JAK1: variants seen among roughly 807,000 people sequenced by gnomAD.
The protein encoded by JAK1 is tyrosine-protein kinase JAK1.
Under a neutral mutation model 136.6 loss-of-function variants are expected in JAK1, and 16 were observed. The ratio of observed to expected loss-of-function variants is 0.12; its 90% CI spans 0.08 to 0.18. The LOEUF (loss-of-function observed/expected upper bound fraction) is 0.18, where lower values mean the gene tolerates loss of function less well. JAK1 is among the 10% of genes least tolerant of loss of function. The pLI, the probability that JAK1 is intolerant of heterozygous loss-of-function variation, is 1.00. For synonymous variants in JAK1, 492 were observed against 519.5 expected (o/e 0.95, Z 0.72); for missense variants, 859 against 1,450.1 (o/e 0.59, Z 6.62).
At chr1:64,937,851 T>C (rs1645817140) in intron 1 of JAK1, among the ~76,000 whole-genome samples, 1 of 152,126 alleles carries the variant, frequency 6.6e-6, no homozygotes, top group Non-Finnish European at 1.5e-5. Context: ...TTACTCTCAC[T>C]GTAAAAGTTT....
At chr1:65,053,982 C>T (rs1443841280) in intron 1 of JAK1, among the ~76,000 whole-genome samples, 2 of 152,186 alleles carry the variant, frequency 1.3e-5, no homozygotes, top group Non-Finnish European at 2.9e-5. Flanking sequence ...GTAGTATGAT[C>T]AAGGTAGAAT....
At chr1:64,837,621 T>C (rs1335018205) in intron 22 of JAK1, among the ~76,000 whole-genome samples, 1 of 152,230 alleles carries the variant, frequency 6.6e-6, no homozygotes, top group Non-Finnish European at 1.5e-5. Context: ...GCTCACAGTT[T>C]TAAGAACTGC....
At chr1:65,013,253 C>T (rs568466787) in intron 2 of JAK1, among the ~76,000 whole-genome samples, 75 of 149,624 alleles carry the variant, frequency 5.0e-4, no homozygotes, top group African/African-American at 6.6e-4. Flanking sequence ...AAAAATTAGC[C>T]GGGCGTGCTG....
At chr1:64,996,248 C>T (rs1178402008) in intron 2 of JAK1, among the ~76,000 whole-genome samples, 1 of 152,180 alleles carries the variant, frequency 6.6e-6, no homozygotes, top group African/African-American at 2.4e-5. Context: ...CCTTCTAGTG[C>T]CATCATGCCC....
At chr1:64,860,072 A>G (rs1196998795) in intron 9 of JAK1, 33 bp downstream of exon 9, 4 of 1,461,442 alleles carry the variant, frequency 2.7e-6, no homozygotes, top group Admixed American at 2.1e-5. Flanking sequence ...CTCTCTGCAC[A>G]CCAAAGGCAA....
chr1:64,846,363 T>G (rs1655229183), intron 14 of JAK1, among the ~76,000 whole-genome samples: 1 of 152,158 alleles, frequency 6.6e-6, no homozygotes, highest in Non-Finnish European at 1.5e-5. Flanking sequence ...TCTTGTGGCC[T>G]TGACCTCATT....
intron 1 of JAK1, among the ~76,000 whole-genome samples, chr1:64,951,544 GA>G (rs1362645557): frequency 2.0e-5 from 3 of 151,070 alleles, no homozygotes; most frequent in Admixed American, 1.3e-4. Flanking sequence ...ATACATTCCA[GA>G]ATATGTCGCT....
rs778794589 is a variant in JAK1, at chr1:64,841,219, C to T, written c.2649+26G>A. 13 of 1,539,322 alleles carry T rather than the reference C, an allele frequency of 8.4e-6. No homozygotes were observed. The African/African-American group carries it at 1.6e-4, about 19-fold the overall frequency. On this transcript the variant is annotated intron_variant, in intron 19 of 24. Coordinates refer to ENST00000342505, the MANE Select transcript of JAK1 (RefSeq NM_002227.4). ...GGATGGCGGAGGGCTCTGCCATCAG[C>T]AGCAAGCAGCACGGGTGTAACTTAC...
At chr1:64,868,032 G>C (rs367676956) in intron 6 of JAK1, among the ~76,000 whole-genome samples, 15 of 151,340 alleles carry the variant, frequency 9.9e-5, no homozygotes, top group African/African-American at 2.7e-4. Flanking sequence ...GAGAGAGTGA[G>C]AGAGAGAGAG....
chr1:64,839,011 T>C (rs1380381170), intron 20 of JAK1, among the ~76,000 whole-genome samples: 1 of 150,828 alleles, frequency 6.6e-6, no homozygotes, highest in Non-Finnish European at 1.5e-5. Flanking sequence ...CCGGGCGTGA[T>C]GGCGGGCGCC....
At chr1:64,939,442 G>T (rs1040692962) in intron 1 of JAK1, among the ~76,000 whole-genome samples, 7 of 152,218 alleles carry the variant, frequency 4.6e-5, no homozygotes, top group African/African-American at 1.7e-4. Context: ...GAAGTTTGGA[G>T]TCACTAGTTT....
intron 2 of JAK1, among the ~76,000 whole-genome samples, chr1:65,028,486 AGGGAGGG>A: frequency 3.3e-5 from 1 of 29,936 alleles, no homozygotes; most frequent in African/African-American, 1.5e-4. Flanking sequence ...GAAGGAAGGG[AGGGAGGG>A]AGGGAGGGAG....
At position 64,930,319 on chromosome 1, in the gene JAK1, C is replaced by T. The variant is rs1227997745; in HGVS notation, c.-78+36014G>A. On this transcript the variant is annotated intron_variant, in intron 1 of 24. Transcript: ENST00000342505. ...ACAAATTTATAAGGAAAAAACAACCCCATCAAACAGCGGGCAAAGGAAATG... is the reference window on the plus strand; with the variant it reads ...ACAAATTTATAAGGAAAAAACAACCTCATCAAACAGCGGGCAAAGGAAATG... Among the ~76,000 whole-genome samples, 4 of 150,990 alleles carry T rather than the reference C, an allele frequency of 2.6e-5. No homozygotes were observed. The Middle Eastern group carries it at 0.01, about 385-fold the overall frequency.
chr1:64,973,453 T>C (rs547367980), intron 2 of JAK1, among the ~76,000 whole-genome samples: 167 of 152,022 alleles, frequency 1.1e-3, no homozygotes, highest in African/African-American at 3.7e-3. Context: ...TATTATATTT[T>C]ATACAGCTAA....
At chr1:65,009,809 G>A (rs1646833614) in intron 2 of JAK1, among the ~76,000 whole-genome samples, 1 of 152,196 alleles carries the variant, frequency 6.6e-6, no homozygotes, top group Non-Finnish European at 1.5e-5. Context: ...GCCAGTAAGT[G>A]GCAGAGCTGG....
intron 1 of JAK1, among the ~76,000 whole-genome samples, chr1:65,055,617 A>C (rs1647497174): frequency 6.6e-6 from 1 of 152,190 alleles, no homozygotes; most frequent in Non-Finnish European, 1.5e-5. Flanking sequence ...ATACCAACCA[A>C]ACACACACTG....
In JAK1 at chr1:64,912,534, G is replaced by A. The variant is rs1028531533; in HGVS notation, c.-77-26193C>T. On this transcript the variant is annotated intron_variant, in intron 1 of 24. Transcript: ENST00000342505. ...TATGTCAAAAGATAGTAATGGTCACGATCATAACACCAATAATAAAAGCTG... is the reference window on the plus strand; with the variant it reads ...TATGTCAAAAGATAGTAATGGTCACAATCATAACACCAATAATAAAAGCTG... Among the ~76,000 whole-genome samples the A allele has an allele frequency of 3.3e-5, 5 of 152,134 alleles. No homozygotes were observed. In the East Asian group the frequency reaches 9.6e-4, roughly 29 times the overall value.
At chr1:64,965,032 A>G (rs1646347557) in intron 1 of JAK1, among the ~76,000 whole-genome samples, 1 of 152,204 alleles carries the variant, frequency 6.6e-6, no homozygotes, top group African/African-American at 2.4e-5. Flanking sequence ...GGGAAGAACA[A>G]AGATTCAATC....
Position 64,844,471 on chromosome 1 carries a change from G to A in JAK1, c.2252-256C>T, listed in dbSNP as rs891988737. ...CCCTGCCTCCAAGCTCCCCAGGAGGGTCGTGTGAAGCCAGGCTTCTGAAGC... is the reference window on the plus strand; with the variant it reads ...CCCTGCCTCCAAGCTCCCCAGGAGGATCGTGTGAAGCCAGGCTTCTGAAGC... On this transcript the variant is annotated intron_variant, in intron 16 of 24. Transcript: ENST00000342505. This position sits in a 1 kb window ranked among gnomAD's most constrained non-coding sequence, Gnocchi z 5.7. 5.3e-5 allele frequency among the ~76,000 whole-genome samples: 8 copies of A among 152,184 alleles called. No homozygotes were observed. The highest frequency in any genetic ancestry group is 1.0e-4 in the Non-Finnish European group (7 of 68,020).
Sources: allele counts gnomAD v4.1 joint callset (sites outside exome capture counted in the v4.1 genomes callset), GRCh38; gene constraint gnomAD v4.1.1; non-coding constraint Gnocchi (gnomAD v3.1); transcripts MANE v1.5; gene names NCBI Gene and HGNC (gene_info 2026-07-23, HGNC 2026-07-21).